Variants in KIAA1958 observed in about 807,000 individuals in gnomAD.
KIAA1958 encodes uncharacterized protein KIAA1958.
In KIAA1958, 14 loss-of-function variants were observed where a neutral mutation model predicts 47.2. The ratio of observed to expected loss-of-function variants is 0.30; its 90% confidence interval spans 0.20 to 0.46. The LOEUF (loss-of-function observed/expected upper bound fraction) is 0.46, where lower values mean the gene tolerates loss of function less well. KIAA1958 is among the 20% of genes least tolerant of loss of function. The pLI, the probability that KIAA1958 is intolerant of heterozygous loss-of-function variation, is 1.00. For synonymous variants in KIAA1958, 354 were observed against 353.3 expected (o/e 1.00, Z -0.02); for missense variants, 803 against 909.2 (o/e 0.88, Z 1.50).
chr9:112,660,186 C>A lies in KIAA1958; in HGVS notation c.*117C>A. On this transcript the variant is annotated 3_prime_UTR_variant, in exon 4 of 4. Transcript: ENST00000337530. ...GGTGTGACCTCCCGGTCTGGCGGCT[C>A]TCCCCTGGTGTGGCCTGCCCTCCCT... is the stretch of plus-strand genomic sequence containing the variant. The A allele has an allele frequency of 1.2e-6, 1 of 830,688 alleles. No individual in the cohort carries two copies. Among genetic ancestry groups the A allele is most frequent in the Non-Finnish European group, 1.9e-6 (1 of 527,444 alleles). 51.5% of individuals were successfully genotyped at this position (830,688 alleles called of 1,614,324 possible). A position where few individuals can be genotyped will look rare whatever the true frequency, so the allele number is the denominator to read the frequency against.
chr9:112,626,939 G>T (rs1339574873), intron 2 of KIAA1958, among the ~76,000 whole-genome samples: 2 of 152,100 alleles, frequency 1.3e-5, no homozygotes, highest in African/African-American at 4.8e-5. Context: ...TGTGTTTGTG[G>T]TGTTGATGTG....
chr9:112,652,303 T>A (rs562385635), intron 3 of KIAA1958, among the ~76,000 whole-genome samples: 2 of 152,372 alleles, frequency 1.3e-5, no homozygotes, highest in East Asian at 3.9e-4. Context: ...CAATTCAGAA[T>A]GGTTACTAAA....
intron 1 of KIAA1958, among the ~76,000 whole-genome samples, chr9:112,536,028 C>T (rs1054074295): frequency 6.6e-6 from 1 of 152,226 alleles, no homozygotes; most frequent in African/African-American, 2.4e-5. Flanking sequence ...ATGTGGCTCC[C>T]TTCCTTCCAT....
intron 1 of KIAA1958, among the ~76,000 whole-genome samples, chr9:112,527,617 G>T (rs548454763): frequency 1.1e-4 from 16 of 152,138 alleles, no homozygotes; most frequent in Admixed American, 8.5e-4. Flanking sequence ...TTGTTTGAAG[G>T]GGTCAAGCGG....
intron 1 of KIAA1958, among the ~76,000 whole-genome samples, chr9:112,507,833 A>G (rs985626547): frequency 1.1e-4 from 16 of 151,044 alleles, no homozygotes; most frequent in African/African-American, 3.7e-4. Flanking sequence ...AGGTTTCACT[A>G]TATTTCCTAG....
At chr9:112,566,676 T>C (rs1438681350) in intron 1 of KIAA1958, among the ~76,000 whole-genome samples, 1 of 152,214 alleles carries the variant, frequency 6.6e-6, no homozygotes, top group Non-Finnish European at 1.5e-5. Context: ...ACTCCTTTTC[T>C]TTTCTCATTG....
intron 2 of KIAA1958, among the ~76,000 whole-genome samples, chr9:112,615,223 C>T (rs577320413): frequency 6.6e-6 from 1 of 152,034 alleles, no homozygotes; most frequent in East Asian, 1.9e-4. Context: ...GAGTTCAAGA[C>T]CAGCCTGGCC....
rs1564159491 is a variant in KIAA1958, at chr9:112,525,975, C to CTTCTTCTTCTT, written c.-25+38858_-25+38868dup. ...TCTTCTTCTTCTTCTTCTTCTTCTT[C>CTTCTTCTTCTT]TTCTTCTTCTTCTTCTTCTTCTTCT... On this transcript the variant is annotated intron_variant, in intron 1 of 3. Coordinates refer to ENST00000337530, the MANE Select transcript of KIAA1958 (RefSeq NM_133465.4). 4.2e-3 allele frequency among the ~76,000 whole-genome samples: 10 copies of CTTCTTCTTCTT among 2,408 alleles called. 4 individuals are homozygous for CTTCTTCTTCTT. The African/African-American group carries it at 0.054, about 13-fold the overall frequency. 1.6% of individuals were successfully genotyped at this position (2,408 alleles called of 152,430 possible). A position where few individuals can be genotyped will look rare whatever the true frequency, so the allele number is the denominator to read the frequency against.
At chr9:112,577,908 T>A (rs1209305426) in intron 2 of KIAA1958, among the ~76,000 whole-genome samples, 1 of 152,182 alleles carries the variant, frequency 6.6e-6, no homozygotes, top group African/African-American at 2.4e-5. Context: ...ACAGAATATA[T>A]ACTGTCATAA....
chr9:112,603,486 T>A (rs990245169), intron 2 of KIAA1958, among the ~76,000 whole-genome samples: 3 of 152,090 alleles, frequency 2.0e-5, no homozygotes, highest in Non-Finnish European at 2.9e-5. Context: ...AAACAAATGA[T>A]ACCCATCCTT....
intron 1 of KIAA1958, among the ~76,000 whole-genome samples, chr9:112,508,273 A>G (rs1834265191): frequency 6.6e-6 from 1 of 152,240 alleles, no homozygotes; most frequent in Non-Finnish European, 1.5e-5. Flanking sequence ...GCTTTTTCAG[A>G]TAAATACACT....
chr9:112,658,880 C>T (rs148675936), intron 3 of KIAA1958, among the ~76,000 whole-genome samples: 10 of 148,946 alleles, frequency 6.7e-5, no homozygotes, highest in Non-Finnish European at 1.2e-4. Flanking sequence ...ATTAGCCGGG[C>T]GTGGTGGCGG....
intron 1 of KIAA1958, among the ~76,000 whole-genome samples, chr9:112,503,467 A>G (rs527947923): frequency 6.6e-6 from 1 of 152,014 alleles, no homozygotes; most frequent in African/African-American, 2.4e-5. Context: ...CAGCTGGGAA[A>G]CAATACTCCT....
At chr9:112,626,807 T>C (rs1203406825) in intron 2 of KIAA1958, among the ~76,000 whole-genome samples, 5 of 146,792 alleles carry the variant, frequency 3.4e-5, no homozygotes, top group Admixed American at 6.9e-5. Context: ...ACTTTTGTTT[T>C]ATAAAGCATT....
chr9:112,660,137 C>A lies in KIAA1958; in HGVS notation c.*68C>A. On this transcript the variant is annotated 3_prime_UTR_variant, in exon 4 of 4. Transcript: ENST00000337530. ...CCAGCCAGGGTTGGAGCAGCTGGAGCTCCTTGGAGGCAGGGGCTGACCAGG... is the reference window on the plus strand; with the variant it reads ...CCAGCCAGGGTTGGAGCAGCTGGAGATCCTTGGAGGCAGGGGCTGACCAGG... 7.0e-7 allele frequency: 1 copy of A among 1,434,706 alleles called. No homozygotes were observed. The highest frequency in any genetic ancestry group is 9.6e-7 in the Non-Finnish European group (1 of 1,042,214). The allele number at this position is 1,434,706 out of a possible 1,614,324, so 88.9% of individuals were successfully genotyped here.
In KIAA1958 at chr9:112,660,262, C is replaced by T. The variant is rs921648578; in HGVS notation, c.*193C>T. On this transcript the variant is annotated 3_prime_UTR_variant, in exon 4 of 4. Transcript: ENST00000337530. ...TGAAACTAGATGAGTCTAAATCATT[C>T]GGATGGTTTATCCAAATGTGCGTCA... The T allele has an allele frequency of 1.4e-5, 8 of 586,572 alleles. No individual in the cohort carries two copies. The highest frequency in any genetic ancestry group is 3.0e-5 in the Admixed American group (1 of 33,738). The allele number at this position is 586,572 out of a possible 1,614,324, so 36.3% of individuals were successfully genotyped here. A position where few individuals can be genotyped will look rare whatever the true frequency, so the allele number is the denominator to read the frequency against.
chr9:112,526,725 A>C (rs959005788), intron 1 of KIAA1958, among the ~76,000 whole-genome samples: 1 of 152,162 alleles, frequency 6.6e-6, no homozygotes, highest in Non-Finnish European at 1.5e-5. Flanking sequence ...TAACAGCACC[A>C]ATCACACCCA....
chr9:112,633,115 C>T (rs1056979460), intron 2 of KIAA1958, among the ~76,000 whole-genome samples: 4 of 151,798 alleles, frequency 2.6e-5, no homozygotes. Context: ...TCTGGATTCT[C>T]TTCTGTAGCA....
At chr9:112,634,067 T>C (rs917838659) in intron 2 of KIAA1958, among the ~76,000 whole-genome samples, 1 of 152,220 alleles carries the variant, frequency 6.6e-6, no homozygotes, top group African/African-American at 2.4e-5. Context: ...TCCAAAGTGG[T>C]TGCACAAATC....
Sources: allele counts gnomAD v4.1 joint callset (sites outside exome capture counted in the v4.1 genomes callset), GRCh38; gene constraint gnomAD v4.1.1; transcripts MANE v1.5; gene names NCBI Gene and HGNC (gene_info 2026-07-23, HGNC 2026-07-21).